The following FUOM variants were observed in gnomAD, a reference collection of about 807,000 sequenced individuals.
FUOM encodes the protein protein fucU homolog.
Under a neutral mutation model 18.3 loss-of-function variants are expected in FUOM, and 19 were observed. The ratio of observed to expected loss-of-function variants is 1.04; its 90% CI spans 0.73 to 1.53. The LOEUF is 1.53. Ranked by LOEUF, FUOM falls within the 40% of genes most tolerant of loss-of-function variation. The pLI, the probability that FUOM is intolerant of heterozygous loss-of-function variation, is 0.00. For synonymous variants in FUOM, 102 were observed against 87.9 expected, an observed-to-expected ratio of 1.16 and a Z score of -0.90; for missense variants, 210 against 200.9, an observed-to-expected ratio of 1.04 and a Z score of -0.27.
downstream of FUOM, among the ~76,000 whole-genome samples, chr10:133,353,258 A>G (rs1848711839): frequency 6.6e-6 from 1 of 152,124 alleles, no homozygotes; most frequent in African/African-American, 2.4e-5. Flanking sequence ...TGCCCTCCTG[A>G]CGTTCTGTGC....
chr10:133,352,833 A>G (rs1381228773), downstream of FUOM: 2 of 183,518 alleles, frequency 1.1e-5, no homozygotes, highest in African/African-American at 4.8e-5. Context: ...CAATCGATCA[A>G]TCAATCAATC....
chr10:133,355,525 C>T (rs772364371), intron 5 of FUOM, 89 bp from the exon 6 acceptor site: 164 of 1,607,480 alleles, frequency 1.0e-4, no homozygotes, highest in Non-Finnish European at 1.3e-4. Flanking sequence ...AGAGCAGACC[C>T]TGTCCACCTT....
Position 133,357,266 on chromosome 10 carries a change from G to T in FUOM, c.86-11C>A. On this transcript the variant is annotated splice_polypyrimidine_tract_variant and intron_variant, in intron 1 of 5. Coordinates refer to ENST00000278025, the MANE Select transcript of FUOM (RefSeq NM_001098483.3). ...TCAAGTCCGCAAGAACTAAACAGCC[G>T]GGAGGACAGCCCGTGTCGGCACCTA... The T allele has an allele frequency of 1.3e-6, 2 of 1,568,238 alleles. No individual in the cohort carries two copies. The highest frequency in any genetic ancestry group is 8.6e-7 in the Non-Finnish European group (1 of 1,157,680).
chr10:133,354,658 C>G (rs114865398), downstream of FUOM, among the ~76,000 whole-genome samples: 1,185 of 152,298 alleles, frequency 7.8e-3, 15 homozygotes, highest in African/African-American at 0.027. Context: ...ATGGGCAAGC[C>G]TCCCAGGCAC....
intron 4 of FUOM, 91 bp from the exon 5 acceptor site, chr10:133,355,902 G>A (rs1490679075): frequency 2.8e-6 from 3 of 1,054,192 alleles, no homozygotes; most frequent in Non-Finnish European, 2.9e-6. Context: ...AGCAGGGAGG[G>A]CACCAGGAAG....
chr10:133,353,309 C>T (rs1214315248), downstream of FUOM, among the ~76,000 whole-genome samples: 3 of 152,240 alleles, frequency 2.0e-5, no homozygotes, highest in African/African-American at 7.2e-5. Flanking sequence ...CCTGGCCCAG[C>T]AGGCCCAATG....
At position 133,355,212 on chromosome 10, in the gene FUOM, G is replaced by A. The variant is rs912363069; in HGVS notation, c.*158C>T. 55 of 694,422 alleles carry A rather than the reference G, an allele frequency of 7.9e-5. No individual in the cohort carries two copies. The highest frequency in any genetic ancestry group is 9.7e-5 in the Non-Finnish European group (41 of 423,080). The allele number at this position is 694,422 out of a possible 1,614,324, so 43.0% of individuals were successfully genotyped here. On this transcript the variant is annotated 3_prime_UTR_variant, in exon 6 of 6. Transcript: ENST00000278025. ...TCATTTTCACAAATCAGGGATACTC[G>A]TCCCAATTGGCAGGGCCCACCCCAA...
chr10:133,353,016 G>A (rs1192757247), downstream of FUOM, among the ~76,000 whole-genome samples: 1 of 152,174 alleles, frequency 6.6e-6, no homozygotes. Context: ...ATGGTGAGGG[G>A]TGTGGCAGCA....
At chr10:133,356,508 G>A (rs986377738) in intron 4 of FUOM, 132 bp downstream of exon 4, 112 of 576,056 alleles carry the variant, frequency 1.9e-4, no homozygotes, top group Non-Finnish European at 3.1e-4. Flanking sequence ...CCAGTGGTCC[G>A]GGGTTCTCAG....
chr10:133,357,775 G>C (rs981842747), intron 1 of FUOM, 148 bp downstream of exon 1: 2 of 577,746 alleles, frequency 3.5e-6, no homozygotes, highest in African/African-American at 4.0e-5. Flanking sequence ...GAATGCGGGG[G>C]AGGGGGCTTC....
downstream of FUOM, among the ~76,000 whole-genome samples, chr10:133,354,816 G>A (rs555498913): frequency 6.6e-5 from 10 of 152,268 alleles, no homozygotes; most frequent in East Asian, 3.9e-4. Flanking sequence ...GGCCCACACC[G>A]AGGCCTCTCC....
At position 133,357,987 on chromosome 10, in the gene FUOM, G is replaced by A. The variant is rs779830124; in HGVS notation, c.21C>T (p.Val7=). Residue 7 remains valine, a synonymous_variant, in exon 1 of 6, where the codon GTC becomes GTT. Coordinates refer to ENST00000278025, the MANE Select transcript of FUOM (RefSeq NM_001098483.3). The part of the protein sequence containing the change: MVALKG[V]PALLSPELLY... ...GCAGCTCGGGGGACAGCAGTGCGGG[G>A]ACACCCTTCAGCGCCACCATGGCCC... 14 of 1,515,358 alleles carry A rather than the reference G, an allele frequency of 9.2e-6. No homozygotes were observed. The highest frequency in any genetic ancestry group is 5.3e-6 in the Non-Finnish European group (6 of 1,136,450). 93.9% of individuals were successfully genotyped at this position (1,515,358 alleles called of 1,614,324 possible). A position where few individuals can be genotyped will look rare whatever the true frequency, so the allele number is the denominator to read the frequency against.
Position 133,355,172 on chromosome 10 carries a change from CTG to C in FUOM, c.*196_*197del, listed in dbSNP as rs1447368743. On this transcript the variant is annotated 3_prime_UTR_variant, in exon 6 of 6. Transcript: ENST00000278025. ...CAGAGCTGGAATTGGACTCTTGAGA[CTG>C]AACGTTTTTCCATCATTTTCACAAA... The C allele has an allele frequency of 1.6e-6, 1 of 621,030 alleles. No individual in the cohort carries two copies. The highest frequency in any genetic ancestry group is 2.8e-6 in the Non-Finnish European group (1 of 357,156). The allele number at this position is 621,030 out of a possible 1,614,324, so 38.5% of individuals were successfully genotyped here.
chr10:133,356,045 C>A (rs1848784408), intron 4 of FUOM, among the ~76,000 whole-genome samples: 1 of 152,208 alleles, frequency 6.6e-6, no homozygotes, highest in African/African-American at 2.4e-5. Flanking sequence ...CTCTGCCTGA[C>A]CTGGGGCCAC....
chr10:133,355,376 C>T lies in FUOM; in HGVS notation c.459G>A (p.Leu153=). ...CAGGTGGTCTTCACCAGGCCTACAG[C>T]AGGGGGTTGAGGGCAAGCACCCCCT... ...LRKGVLALNP[L]L Residue 153 remains leucine, a synonymous_variant, in exon 6 of 6, where the codon CTG becomes CTA. Coordinates refer to ENST00000278025, the MANE Select transcript of FUOM (RefSeq NM_001098483.3). The T allele has an allele frequency of 6.2e-7, 1 of 1,605,272 alleles. No homozygotes were observed. Among genetic ancestry groups the T allele is most frequent in the Non-Finnish European group, 8.5e-7 (1 of 1,178,056 alleles).
At chr10:133,356,264 A>G (rs1358720030) in intron 4 of FUOM, among the ~76,000 whole-genome samples, 3 of 152,222 alleles carry the variant, frequency 2.0e-5, no homozygotes, top group African/African-American at 7.2e-5. Context: ...GACCAACCAT[A>G]GCCAGGATGG....
At chr10:133,357,281 G>GTCGGCACCTATCCCTGCCC in intron 1 of FUOM, 26 bp from the exon 2 acceptor site, 1 of 1,557,990 alleles carries the variant, frequency 6.4e-7, no homozygotes, top group Non-Finnish European at 8.7e-7. Flanking sequence ...GACAGCCCGT[G>GTCGGCACCTATCCCTGCCC]TCGGCACCTA....
downstream of FUOM, among the ~76,000 whole-genome samples, chr10:133,354,849 G>A (rs979791730): frequency 7.9e-5 from 12 of 152,152 alleles, no homozygotes; most frequent in African/African-American, 1.9e-4. Flanking sequence ...CTCCCGAAGC[G>A]TCCAGGCCAG....
downstream of FUOM, among the ~76,000 whole-genome samples, chr10:133,354,252 A>G (rs557352804): frequency 1.3e-5 from 2 of 152,158 alleles, no homozygotes; most frequent in Non-Finnish European, 2.9e-5. Flanking sequence ...AAGGCTGACC[A>G]CTAGTGAGCA....
Sources: gnomAD v4.1 joint callset for allele counts (sites outside exome capture counted in the v4.1 genomes callset) on GRCh38, gnomAD v4.1.1 for gene constraint, MANE v1.5 for transcripts, NCBI Gene and HGNC (gene_info 2026-07-23, HGNC 2026-07-21) for gene names.